The following B3GALNT2 variants were observed in gnomAD, a reference collection of about 807,000 sequenced individuals.
The protein encoded by B3GALNT2 is UDP-GalNAc:beta-1,3-N-acetylgalactosaminyltransferase 2.
In B3GALNT2, 53 loss-of-function variants were observed where a neutral mutation model predicts 61.1. That is an observed-to-expected ratio of 0.87 (90% CI 0.70 to 1.09). The LOEUF (loss-of-function observed/expected upper bound fraction) is 1.09, where lower values mean the gene tolerates loss of function less well. Among genes scored for constraint, B3GALNT2 ranks in the 50% least tolerant of loss-of-function variants. B3GALNT2 has a pLI of 0.00. For synonymous variants in B3GALNT2, 223 were observed against 237.4 expected, an observed-to-expected ratio of 0.94 and a Z score of 0.56; for missense variants, 544 against 623.0, an observed-to-expected ratio of 0.87 and a Z score of 1.35.
intron 4 of B3GALNT2, among the ~76,000 whole-genome samples, chr1:235,482,598 C>T (rs1172100415): frequency 6.7e-6 from 1 of 148,986 alleles, no homozygotes; most frequent in East Asian, 1.9e-4. Flanking sequence ...ATTTAGCTGC[C>T]TGCTAAAACA....
At position 235,448,574 on chromosome 1, in the gene B3GALNT2, C is replaced by T; in HGVS notation, c.*1632G>A. 7.3e-7 allele frequency: 1 copy of T among 1,373,312 alleles called. No individual in the cohort carries two copies. Among genetic ancestry groups the T allele is most frequent in the Non-Finnish European group, 1.0e-6 (1 of 961,254 alleles). The allele number at this position is 1,373,312 out of a possible 1,614,324, so 85.1% of individuals were successfully genotyped here. On this transcript the variant is annotated 3_prime_UTR_variant, in exon 12 of 12. Coordinates refer to ENST00000366600, the MANE Select transcript of B3GALNT2 (RefSeq NM_152490.5). Reference sequence around the variant, plus strand: ...CTGTTTGTTTGATTTTAAGGGTAAGCTACTGCCTGGGGACGGGGTGGGGGA... The same window carrying T: ...CTGTTTGTTTGATTTTAAGGGTAAGTTACTGCCTGGGGACGGGGTGGGGGA...
chr1:235,443,739 C>T (rs1300351066), downstream of B3GALNT2, among the ~76,000 whole-genome samples: 2 of 152,128 alleles, frequency 1.3e-5, no homozygotes, highest in Admixed American at 6.5e-5. Flanking sequence ...AAAAACAATT[C>T]GCAGATGCTC....
downstream of B3GALNT2, among the ~76,000 whole-genome samples, chr1:235,444,083 G>A (rs1682079563): frequency 6.6e-6 from 1 of 152,156 alleles, no homozygotes. Flanking sequence ...GCCCATCAGT[G>A]CAGTAAATTC....
Position 235,485,663 on chromosome 1 carries a change from GA to G in B3GALNT2, c.362-1149del, listed in dbSNP as rs201608737. 1.5e-3 allele frequency among the ~76,000 whole-genome samples: 227 copies of G among 152,272 alleles called. 2 individuals carry two copies. In the East Asian group the frequency reaches 0.03, roughly 20 times the overall value. ...TTAAATAAAGCAGTTCATAGGCAGG[GA>G]ATATCAGTGCTACTTTAATAATATA... On this transcript the variant is annotated intron_variant, in intron 3 of 11. Transcript: ENST00000366600.
intron 5 of B3GALNT2, chr1:235,478,949 T>C (rs1029685076): frequency 7.9e-5 from 12 of 152,058 alleles, no homozygotes; most frequent in Non-Finnish European, 1.6e-4. Flanking sequence ...AGTCGTTTTG[T>C]TTTTTTTAAT....
chr1:235,480,193 T>C (rs377121212), intron 4 of B3GALNT2, 44 bp from the exon 5 acceptor site: 2 of 1,606,778 alleles, frequency 1.2e-6, no homozygotes, highest in Non-Finnish European at 1.7e-6. Flanking sequence ...CTTCATGTTA[T>C]ACATTGCATA....
At chr1:235,484,965 T>C (rs1274057593) in intron 3 of B3GALNT2, among the ~76,000 whole-genome samples, 1 of 152,226 alleles carries the variant, frequency 6.6e-6, no homozygotes, top group African/African-American at 2.4e-5. Context: ...AAAATACTTG[T>C]GATACATCAG....
downstream of B3GALNT2, among the ~76,000 whole-genome samples, chr1:235,444,318 C>T (rs1029191053): frequency 4.6e-5 from 7 of 152,170 alleles, no homozygotes; most frequent in African/African-American, 1.7e-4. Context: ...TTTCCCCCTT[C>T]ATTATTCTGT....
chr1:235,450,372 G>A, intron 11 of B3GALNT2, 32 bp from the exon 12 acceptor site: 2 of 1,610,394 alleles, frequency 1.2e-6, no homozygotes, highest in South Asian at 1.1e-5. Context: ...CGATCTGAGA[G>A]TGGTGAAACT....
At chr1:235,461,936 C>A (rs1683455148) in intron 7 of B3GALNT2, among the ~76,000 whole-genome samples, 1 of 152,166 alleles carries the variant, frequency 6.6e-6, no homozygotes, top group East Asian at 1.9e-4. Context: ...TGACTACAGT[C>A]TTGTGAGATG....
chr1:235,449,084 A>AGTT lies in B3GALNT2; in HGVS notation c.*1121_*1122insAAC. 2 of 326,690 alleles carry AGTT rather than the reference A, an allele frequency of 6.1e-6. No homozygotes were observed. The highest frequency in any genetic ancestry group is 4.3e-5 in the African/African-American group (2 of 46,442). The allele number at this position is 326,690 out of a possible 1,614,324, so 20.2% of individuals were successfully genotyped here. The stretch of plus-strand genomic sequence containing the variant: ...AGCCTAATAAAATCTGAACACAGTT[A>AGTT]ATATCTGTCATAAGACTAGTTTTAA... On this transcript the variant is annotated 3_prime_UTR_variant, in exon 12 of 12. Coordinates refer to ENST00000366600, the MANE Select transcript of B3GALNT2 (RefSeq NM_152490.5).
At chr1:235,473,121 G>C (rs1406739418) in intron 5 of B3GALNT2, among the ~76,000 whole-genome samples, 2 of 152,036 alleles carry the variant, frequency 1.3e-5, no homozygotes, top group Admixed American at 1.3e-4. Context: ...CACCATGTTG[G>C]CCAGGCTGGT....
At chr1:235,494,356 C>T (rs1685213034) in intron 2 of B3GALNT2, among the ~76,000 whole-genome samples, 1 of 152,014 alleles carries the variant, frequency 6.6e-6, no homozygotes, top group African/African-American at 2.4e-5. Flanking sequence ...ACTTTTTGGC[C>T]CAAACTATAT....
At chr1:235,442,328 A>C (rs781239962), downstream of B3GALNT2, among the ~76,000 whole-genome samples, 2 of 152,004 alleles carry the variant, frequency 1.3e-5, no homozygotes, top group Non-Finnish European at 2.9e-5. Flanking sequence ...GCGCCACCAC[A>C]CCCAGTTAAT....
rs773864097 is a variant in B3GALNT2 at position 235,458,609 on chromosome 1, T to C, written c.1019A>G (p.Tyr340Cys). Reference sequence around the variant, plus strand: ...CAACATTTTTACAACCTACCATCTATAGAAGTTCAATAATTTTGCAGGAAC... The same window carrying C: ...CAACATTTTTACAACCTACCATCTACAGAAGTTCAATAATTTTGCAGGAAC... Reference protein sequence around the residue: ...RNVPAKLLNFYRWTVETTSFN... With the variant: ...RNVPAKLLNFCRWTVETTSFN... The change falls in exon 8 of 12, where the codon TAT (tyrosine) becomes TGT (cysteine). Residue 340 changes from tyrosine to cysteine, a missense_variant. Physicochemically the swap from Tyr to Cys is radical, Grantham distance 194. Transcript: ENST00000366600. The C allele has an allele frequency of 1.6e-5, 25 of 1,602,564 alleles. No individual in the cohort carries two copies. The highest frequency in any genetic ancestry group is 1.2e-4 in the African/African-American group (9 of 74,122).
chr1:235,457,968 G>A (rs1683246123), intron 8 of B3GALNT2, among the ~76,000 whole-genome samples: 1 of 150,350 alleles, frequency 6.7e-6, no homozygotes, highest in African/African-American at 2.5e-5. Flanking sequence ...GTGCAGTGGT[G>A]TGATCTTGGC....
intron 7 of B3GALNT2, among the ~76,000 whole-genome samples, chr1:235,460,075 G>A (rs1463516182): frequency 6.6e-6 from 1 of 150,870 alleles, no homozygotes; most frequent in Non-Finnish European, 1.5e-5. Context: ...TTACAGGCGT[G>A]AGCCACTGCA....
Position 235,504,293 on chromosome 1 carries a change from C to A in B3GALNT2, c.-41G>T. The stretch of plus-strand genomic sequence containing the variant: ...CGAGCCGGGCTCTCCCGCGTCCCGG[C>A]GGAGAGGGAGGGGACCTGCAAGTGC... On this transcript the variant is annotated 5_prime_UTR_variant, in exon 1 of 12. Transcript: ENST00000366600. 1 of 1,478,884 alleles carries A rather than the reference C, an allele frequency of 6.8e-7. No individual in the cohort carries two copies. The highest frequency in any genetic ancestry group is 8.9e-7 in the Non-Finnish European group (1 of 1,119,858). The allele number at this position is 1,478,884 out of a possible 1,614,324, so 91.6% of individuals were successfully genotyped here.
At chr1:235,479,265 C>T (rs1433834235) in intron 5 of B3GALNT2, 1 of 152,192 alleles carries the variant, frequency 6.6e-6, no homozygotes, top group Non-Finnish European at 1.5e-5. Flanking sequence ...CTTAACCCAG[C>T]TGAGATGCTG....
Sources: allele counts gnomAD v4.1 joint callset (sites outside exome capture counted in the v4.1 genomes callset), GRCh38; gene constraint gnomAD v4.1.1; transcripts MANE v1.5; gene names NCBI Gene and HGNC (gene_info 2026-07-23, HGNC 2026-07-21).